The following KAZN variants were observed in gnomAD, a reference collection of about 807,000 sequenced individuals.
KAZN encodes the protein kazrin, periplakin interacting protein.
A neutral mutation model predicts 87.4 loss-of-function variants in KAZN; 40 were observed. The ratio of observed to expected loss-of-function variants is 0.46; its 90% confidence interval spans 0.36 to 0.60. KAZN has a LOEUF of 0.60. Among genes scored for constraint, KAZN ranks in the 20% least tolerant of loss-of-function variants. The probability of loss-of-function intolerance (pLI) is 0.00; values close to 1 mark genes in which losing one functional copy is unlikely to be tolerated. For synonymous variants in KAZN, 466 were observed against 458.3 expected (o/e 1.02, Z -0.22); for missense variants, 898 against 1,073.9 (o/e 0.84, Z 2.29).
intron 3 of KAZN, among the ~76,000 whole-genome samples, chr1:15,036,954 CG>C: frequency 6.6e-6 from 1 of 152,258 alleles, no homozygotes; most frequent in African/African-American, 2.4e-5. Flanking sequence ...GTCATGCAGC[CG>C]GCGATGGCAG....
chr1:14,579,330 A>G (rs1287628413), intron 2 of KAZN, among the ~76,000 whole-genome samples: 1 of 152,172 alleles, frequency 6.6e-6, no homozygotes, highest in Non-Finnish European at 1.5e-5. Flanking sequence ...TGGTTTTTCC[A>G]TATCTCCTGA....
In KAZN at chr1:15,048,855, C is replaced by G. The variant is rs1016947585; in HGVS notation, c.726+4696C>G. Among the ~76,000 whole-genome samples the G allele has an allele frequency of 3.3e-4, 49 of 149,790 alleles. 2 individuals are homozygous for G. Among genetic ancestry groups the G allele is most frequent in the African/African-American group, 1.1e-3 (45 of 40,226 alleles). ...GGGTCGTTGGTCCTGGGTCGTTGGT[C>G]CTTGGTCGTTGGTCCTGGGTCGTTG... On this transcript the variant is annotated intron_variant, in intron 4 of 14. Transcript: ENST00000376030.
chr1:14,331,338 G>A (rs897757733), intron 2 of KAZN, among the ~76,000 whole-genome samples: 16 of 152,232 alleles, frequency 1.1e-4, no homozygotes, highest in African/African-American at 2.6e-4. Context: ...ATATGCACCC[G>A]CATTGTGGAA....
intron 1 of KAZN, among the ~76,000 whole-genome samples, chr1:14,950,010 C>G (rs1327500375): frequency 1.3e-5 from 2 of 152,038 alleles, no homozygotes; most frequent in Non-Finnish European, 1.5e-5. Context: ...TCAACACCAC[C>G]TAACGGAAAA....
chr1:14,801,131 G>A (rs12568933), intron 1 of KAZN, among the ~76,000 whole-genome samples: 3 of 151,540 alleles, frequency 2.0e-5, no homozygotes, highest in African/African-American at 2.4e-5. Flanking sequence ...TCTAATCGTC[G>A]CGGCAAAGCA....
At chr1:14,929,681 G>A (rs1659582871) in intron 1 of KAZN, 1 of 801,094 alleles carries the variant, frequency 1.2e-6, no homozygotes, top group Non-Finnish European at 1.5e-6. Flanking sequence ...ACTAAGGGCT[G>A]TAAACACTCC....
intron 2 of KAZN, among the ~76,000 whole-genome samples, chr1:14,576,331 T>TGGAC (rs1335700931): frequency 0.048 from 6,464 of 135,418 alleles, 661 homozygotes; most frequent in East Asian, 0.1. Context: ...GATGGATGGA[T>TGGAC]GGACGGACAG....
chr1:14,269,916 T>C (rs1330776964), intron 2 of KAZN, among the ~76,000 whole-genome samples: 7 of 152,214 alleles, frequency 4.6e-5, no homozygotes, highest in African/African-American at 1.7e-4. Context: ...TGCTTTGTGT[T>C]GTTGTAACAA....
chr1:14,349,058 G>A (rs1658324908), intron 2 of KAZN: 1 of 152,186 alleles, frequency 6.6e-6, no homozygotes, highest in Non-Finnish European at 1.5e-5. Flanking sequence ...CAAAAAGCAT[G>A]GTTCTACCCC....
At chr1:14,420,004 C>G (rs374034735) in intron 2 of KAZN, among the ~76,000 whole-genome samples, 1 of 152,156 alleles carries the variant, frequency 6.6e-6, no homozygotes, top group Non-Finnish European at 1.5e-5. Context: ...GCTTTTATTC[C>G]CTTATCTGGA....
At chr1:14,414,344 G>GAA (rs5772578) in intron 2 of KAZN, among the ~76,000 whole-genome samples, 23 of 107,838 alleles carry the variant, frequency 2.1e-4, no homozygotes, top group East Asian at 5.1e-4. Flanking sequence ...TTTGTCATAG[G>GAA]AAAAAAAAAA....
intron 2 of KAZN, among the ~76,000 whole-genome samples, chr1:14,288,435 A>G (rs1653427452): frequency 6.6e-6 from 1 of 152,082 alleles, no homozygotes; most frequent in African/African-American, 2.4e-5. Context: ...GAATTTATCC[A>G]TTTCTTCTAG....
intron 2 of KAZN, among the ~76,000 whole-genome samples, chr1:14,383,218 C>T (rs1311031011): frequency 6.6e-6 from 1 of 151,410 alleles, no homozygotes; most frequent in East Asian, 1.9e-4. Context: ...GATATTAGCC[C>T]TTTGTCAGAT....
chr1:13,971,239 T>C (rs1372945522), intron 1 of KAZN, among the ~76,000 whole-genome samples: 2 of 152,196 alleles, frequency 1.3e-5, no homozygotes, highest in Non-Finnish European at 2.9e-5. Flanking sequence ...GCAAACCTAA[T>C]TGTAAAAGAG....
At chr1:15,058,346 C>T (rs1638486723) in intron 5 of KAZN, among the ~76,000 whole-genome samples, 1 of 152,242 alleles carries the variant, frequency 6.6e-6, no homozygotes, top group African/African-American at 2.4e-5. Context: ...GACTCCAAAG[C>T]CAGGGCTCCT....
intron 2 of KAZN, among the ~76,000 whole-genome samples, chr1:14,282,341 T>G (rs1485195815): frequency 6.6e-6 from 1 of 152,196 alleles, no homozygotes; most frequent in Non-Finnish European, 1.5e-5. Flanking sequence ...AGATGTGTCT[T>G]AGGCCAGGAA....
chr1:14,846,420 G>A (rs1444495404), intron 1 of KAZN, among the ~76,000 whole-genome samples: 1 of 152,118 alleles, frequency 6.6e-6, no homozygotes, highest in Non-Finnish European at 1.5e-5. Context: ...CAGAGAGGAG[G>A]CAGGGGGAAT....
intron 1 of KAZN, among the ~76,000 whole-genome samples, chr1:14,607,856 C>G (rs1677491425): frequency 6.6e-6 from 1 of 152,302 alleles, no homozygotes; most frequent in East Asian, 1.9e-4. Flanking sequence ...CTTTTGAGAT[C>G]ATCCAAGGGG....
chr1:14,351,799 G>A (rs981224454), intron 2 of KAZN, among the ~76,000 whole-genome samples: 2 of 152,156 alleles, frequency 1.3e-5, no homozygotes, highest in Non-Finnish European at 2.9e-5. Flanking sequence ...CAATATACTT[G>A]TTGATCTGTG....
Sources: gnomAD v4.1 joint callset for allele counts (sites outside exome capture counted in the v4.1 genomes callset) on GRCh38, gnomAD v4.1.1 for gene constraint, MANE v1.5 for transcripts, NCBI Gene and HGNC (gene_info 2026-07-23, HGNC 2026-07-21) for gene names.